The following VTI1A variants were observed in gnomAD, a reference collection of about 807,000 sequenced individuals.
VTI1A encodes the protein vesicle transport through interaction with t-SNAREs 1A.
Under a neutral mutation model 34.9 loss-of-function variants are expected in VTI1A, and 22 were observed. That is an observed-to-expected ratio of 0.63 (90% CI 0.45 to 0.90). VTI1A has a LOEUF of 0.90. Among genes scored for constraint, VTI1A ranks in the 40% least tolerant of loss-of-function variants. The pLI is 0.00. For synonymous variants in VTI1A, 87 were observed against 97.3 expected (o/e 0.89, Z 0.62); for missense variants, 268 against 275.6 (o/e 0.97, Z 0.20).
At position 112,460,532 on chromosome 10, in the gene VTI1A, A is replaced by G; in HGVS notation, c.103A>G (p.Lys35Glu). The G allele has an allele frequency of 6.2e-7, 1 of 1,609,130 alleles. No homozygotes were observed. Among genetic ancestry groups the G allele is most frequent in the African/African-American group, 1.3e-5 (1 of 74,864 alleles). Residue 35 changes from lysine (K) to glutamate (E), a missense_variant, in exon 2 of 8, where the codon AAA (lysine) becomes GAA (glutamate). Lys to Glu is a moderately conservative substitution (Grantham distance 56). Coordinates refer to ENST00000393077, the MANE Select transcript of VTI1A (RefSeq NM_145206.4). ...RVPRLPPDEK[K>E]QMVANVEKQL... ...ATTATTGTTTGTTTCAGATGAAAAG[A>G]AACAGATGGTTGCAAATGTGGAGAA...
At chr10:112,762,655 A>T (rs1851507661) in intron 7 of VTI1A, among the ~76,000 whole-genome samples, 1 of 152,206 alleles carries the variant, frequency 6.6e-6, no homozygotes, top group Non-Finnish European at 1.5e-5. Flanking sequence ...TATGCAAGGG[A>T]TATGCAGTCA....
chr10:112,791,086 G>C (rs1200968005), intron 7 of VTI1A, among the ~76,000 whole-genome samples: 1 of 152,100 alleles, frequency 6.6e-6, no homozygotes, highest in Admixed American at 6.6e-5. Flanking sequence ...GTCTGCATGT[G>C]CTCACATGAG....
chr10:112,735,685 A>G (rs1850426271), intron 7 of VTI1A, among the ~76,000 whole-genome samples: 1 of 152,194 alleles, frequency 6.6e-6, no homozygotes, highest in South Asian at 2.1e-4. Flanking sequence ...TAAAAACTAG[A>G]GGAGGTTTAA....
intron 5 of VTI1A, among the ~76,000 whole-genome samples, chr10:112,652,566 GTT>G (rs1412023431): frequency 6.6e-6 from 1 of 151,626 alleles, no homozygotes; most frequent in Non-Finnish European, 1.5e-5. Flanking sequence ...ACAAAACATT[GTT>G]TTAAAAAAAG....
Position 112,548,745 on chromosome 10 carries a change from C to T in VTI1A, c.427+10415C>T, listed in dbSNP as rs117170992. On this transcript the variant is annotated intron_variant, in intron 5 of 7. Coordinates refer to ENST00000393077, the MANE Select transcript of VTI1A (RefSeq NM_145206.4). ...GTCTATCTCATATCACGAAGGGACC[C>T]AGAGATGGATAGTCTGAGAAGCTCT... is the stretch of plus-strand genomic sequence containing the variant. 8.7e-5 allele frequency: 125 copies of T among 1,435,604 alleles called. 1 individual carries two copies. Among genetic ancestry groups the T allele is most frequent in the Non-Finnish European group, 1.1e-4 (117 of 1,047,138 alleles). 88.9% of individuals were successfully genotyped at this position (1,435,604 alleles called of 1,614,324 possible).
intron 1 of VTI1A, among the ~76,000 whole-genome samples, chr10:112,456,016 G>C (rs1847511371): frequency 6.6e-6 from 1 of 152,066 alleles, no homozygotes; most frequent in Admixed American, 6.5e-5. Context: ...CATTTATTCT[G>C]TAAGCACTTA....
intron 2 of VTI1A, among the ~76,000 whole-genome samples, chr10:112,464,335 A>C (rs1847827943): frequency 6.6e-6 from 1 of 152,266 alleles, no homozygotes; most frequent in Non-Finnish European, 1.5e-5. Context: ...ACTTGAGCAC[A>C]GTGTGTGTCA....
At chr10:112,656,282 G>A (rs1050312783) in intron 5 of VTI1A, among the ~76,000 whole-genome samples, 2 of 151,616 alleles carry the variant, frequency 1.3e-5, no homozygotes, top group Non-Finnish European at 2.9e-5. Context: ...TATGGCATGT[G>A]TTTGTTGACC....
intron 7 of VTI1A, among the ~76,000 whole-genome samples, chr10:112,769,080 G>T (rs1400776321): frequency 6.6e-6 from 1 of 152,138 alleles, no homozygotes; most frequent in African/African-American, 2.4e-5. Context: ...TTTCTTGAAA[G>T]AAAAACTTGG....
At chr10:112,661,202 C>T (rs1437091816) in intron 5 of VTI1A, among the ~76,000 whole-genome samples, 1 of 152,140 alleles carries the variant, frequency 6.6e-6, no homozygotes, top group South Asian at 2.1e-4. Flanking sequence ...AGGTTGGTCT[C>T]GAACTTCTGA....
At chr10:112,844,238 C>G in the VTI1A span, among the ~76,000 whole-genome samples, 1 of 152,186 alleles carries the variant, frequency 6.6e-6, no homozygotes, top group African/African-American at 2.4e-5. Context: ...AAAACACCAG[C>G]TCTTCTTCTC....
Position 112,668,939 on chromosome 10 carries a change from T to C in VTI1A, c.501T>C (p.Leu167=), listed in dbSNP as rs1282675228. The part of the protein sequence containing the change: ...REKIQRARER[L]RETDANLGKS... ...TTTTGTTTTGTTTCTTCTTGTAGCTTCGGGAAACAGATGCTAATTTGGGAA... is the reference window on the plus strand; with the variant it reads ...TTTTGTTTTGTTTCTTCTTGTAGCTCCGGGAAACAGATGCTAATTTGGGAA... Residue 167 remains leucine (L), a splice_region_variant and synonymous_variant, in exon 7 of 8, where the codon CTT becomes CTC. Coordinates refer to ENST00000393077, the MANE Select transcript of VTI1A (RefSeq NM_145206.4). The C allele has an allele frequency of 2.5e-6, 4 of 1,612,404 alleles. No individual in the cohort carries two copies.
chr10:112,603,364 T>C (rs1019035733), intron 5 of VTI1A, among the ~76,000 whole-genome samples: 1 of 152,218 alleles, frequency 6.6e-6, no homozygotes, highest in Non-Finnish European at 1.5e-5. Context: ...CCCTTGACCA[T>C]TGATATATAG....
chr10:112,753,520 A>G (rs1227020726), intron 7 of VTI1A, among the ~76,000 whole-genome samples: 1 of 152,172 alleles, frequency 6.6e-6, no homozygotes, highest in Non-Finnish European at 1.5e-5. Context: ...TGTAATTACT[A>G]TTATCTGATA....
At chr10:112,822,539 A>G (rs988407844), downstream of VTI1A, among the ~76,000 whole-genome samples, 1 of 152,092 alleles carries the variant, frequency 6.6e-6, no homozygotes, top group Non-Finnish European at 1.5e-5. Context: ...TTGGGGAAGG[A>G]CCCAAAAGGG....
At chr10:112,491,143 A>G (rs1371103817) in intron 3 of VTI1A, among the ~76,000 whole-genome samples, 2 of 152,222 alleles carry the variant, frequency 1.3e-5, no homozygotes, top group African/African-American at 4.8e-5. Flanking sequence ...AGTTGTAGGC[A>G]GGAGACTTAC....
intron 7 of VTI1A, among the ~76,000 whole-genome samples, chr10:112,739,130 T>G (rs1388902645): frequency 6.6e-6 from 1 of 152,218 alleles, no homozygotes; most frequent in Non-Finnish European, 1.5e-5. Context: ...TCCTGCCACC[T>G]TGTCATACTT....
chr10:112,608,184 T>G (rs1296239468), intron 5 of VTI1A, among the ~76,000 whole-genome samples: 1 of 152,198 alleles, frequency 6.6e-6, no homozygotes, highest in Non-Finnish European at 1.5e-5. Flanking sequence ...AAATTTTACT[T>G]TAAGCCTTTT....
At chr10:112,821,307 G>A (rs539859095), downstream of VTI1A, among the ~76,000 whole-genome samples, 14 of 151,886 alleles carry the variant, frequency 9.2e-5, no homozygotes, top group Admixed American at 5.9e-4. Flanking sequence ...GACCAGCACC[G>A]CTCAGCACAG....
Sources: allele counts gnomAD v4.1 joint callset (sites outside exome capture counted in the v4.1 genomes callset), GRCh38; gene constraint gnomAD v4.1.1; transcripts MANE v1.5; gene names NCBI Gene and HGNC (gene_info 2026-07-23, HGNC 2026-07-21).